Variants in MTUS2 observed in about 807,000 individuals in gnomAD.
The protein encoded by MTUS2 is microtubule-associated tumor suppressor candidate 2.
MTUS2 carries 40 observed loss-of-function variants against 114.1 expected under a neutral mutation model. The observed-to-expected ratio is 0.35, with a 90% CI of 0.27 to 0.46. MTUS2 has a LOEUF of 0.46. MTUS2 is among the 20% of genes least tolerant of loss of function. MTUS2 has a pLI of 1.00. For missense variants in MTUS2, 1,679 were observed against 1,705.4 expected (o/e 0.98, Z 0.27); for synonymous variants, 688 against 672.0 (o/e 1.02, Z -0.37).
chr13:29,073,508 G>A (rs147368903), intron 4 of MTUS2, among the ~76,000 whole-genome samples: 1 of 138,768 alleles, frequency 7.2e-6, no homozygotes, highest in Non-Finnish European at 1.6e-5. Flanking sequence ...GTGTACACAT[G>A]TGTAATGAGG....
chr13:29,052,220 G>T (rs1412377294), intron 4 of MTUS2, among the ~76,000 whole-genome samples: 1 of 152,110 alleles, frequency 6.6e-6, no homozygotes, highest in African/African-American at 2.4e-5. Context: ...AGTGGCTCAC[G>T]CCTGTAATCC....
intron 5 of MTUS2, among the ~76,000 whole-genome samples, chr13:29,232,306 GCA>G (rs1292889706): frequency 0.078 from 3,330 of 42,918 alleles, 126 homozygotes; most frequent in African/African-American, 0.27. Context: ...ACGCGCGCGC[GCA>G]CACACACACA....
At chr13:29,054,598 T>C (rs1349060396) in intron 4 of MTUS2, among the ~76,000 whole-genome samples, 1 of 152,106 alleles carries the variant, frequency 6.6e-6, no homozygotes, top group Non-Finnish European at 1.5e-5. Context: ...TTCACAACAG[T>C]TTAAGTATAC....
intron 4 of MTUS2, among the ~76,000 whole-genome samples, chr13:29,084,037 A>T (rs1889558897): frequency 6.6e-6 from 1 of 152,176 alleles, no homozygotes; most frequent in Admixed American, 6.5e-5. Context: ...CTTATAAATT[A>T]GATCTATATT....
chr13:28,971,350 T>C (rs546257807), intron 2 of MTUS2, among the ~76,000 whole-genome samples: 24 of 152,310 alleles, frequency 1.6e-4, no homozygotes, highest in Non-Finnish European at 3.2e-4. Flanking sequence ...ACAAATGGTA[T>C]GATTTTGATA....
chr13:29,185,340 AAAAG>A (rs552752983), intron 5 of MTUS2, among the ~76,000 whole-genome samples: 163 of 152,308 alleles, frequency 1.1e-3, no homozygotes, highest in African/African-American at 3.8e-3. Flanking sequence ...GGAAAGGAGA[AAAAG>A]AAAGGAACAG....
intron 8 of MTUS2, among the ~76,000 whole-genome samples, chr13:29,376,008 T>C (rs1370972833): frequency 1.0e-5 from 1 of 99,718 alleles, no homozygotes; most frequent in Non-Finnish European, 2.0e-5. Flanking sequence ...TATGTGTGTG[T>C]GTGTGTATGT....
chr13:29,332,029 T>A (rs148899937), intron 7 of MTUS2, among the ~76,000 whole-genome samples: 1 of 152,304 alleles, frequency 6.6e-6, no homozygotes, highest in African/African-American at 2.4e-5. Context: ...TCTTTTTTTG[T>A]TGTGTCTCTG....
At chr13:29,139,274 C>G (rs1045841718) in intron 5 of MTUS2, among the ~76,000 whole-genome samples, 1 of 152,130 alleles carries the variant, frequency 6.6e-6, no homozygotes, top group Non-Finnish European at 1.5e-5. Context: ...TGTATTTTTT[C>G]TTTCTTGGAT....
chr13:29,345,257 A>G (rs1265699213), intron 7 of MTUS2, among the ~76,000 whole-genome samples: 1 of 152,094 alleles, frequency 6.6e-6, no homozygotes, highest in African/African-American at 2.4e-5. Context: ...GTGTTTTCCA[A>G]ACTTCCAGAT....
At chr13:29,300,010 C>G (rs893009184) in intron 6 of MTUS2, among the ~76,000 whole-genome samples, 1 of 152,126 alleles carries the variant, frequency 6.6e-6, no homozygotes, top group African/African-American at 2.4e-5. Flanking sequence ...TCCTCTATTA[C>G]AAATTAAGTG....
intron 2 of MTUS2, among the ~76,000 whole-genome samples, chr13:28,992,092 T>A (rs1471372294): frequency 6.6e-6 from 1 of 152,144 alleles, no homozygotes; most frequent in East Asian, 1.9e-4. Flanking sequence ...TCTCTCAATC[T>A]CCCTTCTCTT....
chr13:29,371,541 A>G (rs1871193228), intron 8 of MTUS2, among the ~76,000 whole-genome samples: 1 of 152,182 alleles, frequency 6.6e-6, no homozygotes, highest in African/African-American at 2.4e-5. Context: ...CTTTTGATGA[A>G]GGTATTTTGA....
rs1309672401 is a variant in MTUS2, at chr13:29,389,863, A to G, written c.3117+30390A>G. On this transcript the variant is annotated intron_variant, in intron 8 of 15. Transcript: ENST00000612955. ...CATACATATGTGTATATATACATAC[A>G]TATGTGTATATATACATACATATGT... is the stretch of plus-strand genomic sequence containing the variant. 4.6e-5 allele frequency among the ~76,000 whole-genome samples: 2 copies of G among 43,368 alleles called. 1 individual carries two copies. The highest frequency in any genetic ancestry group is 1.1e-4 in the Non-Finnish European group (2 of 18,984). The allele number at this position is 43,368 out of a possible 152,430, so 28.5% of individuals were successfully genotyped here. A position where few individuals can be genotyped will look rare whatever the true frequency, so the allele number is the denominator to read the frequency against.
At position 29,487,888 on chromosome 13, in the gene MTUS2, ACT is replaced by A. The variant is rs769083579; in HGVS notation, c.3400-8_3400-7del. 1.2e-6 allele frequency: 2 copies of A among 1,603,870 alleles called. No individual in the cohort carries two copies. Among genetic ancestry groups the A allele is most frequent in the Admixed American group, 3.3e-5 (2 of 59,904 alleles). On this transcript the variant is annotated splice_polypyrimidine_tract_variant and intron_variant, in intron 10 of 15. Coordinates refer to ENST00000612955, the MANE Select transcript of MTUS2 (RefSeq NM_001033602.4). ...GCTCTCTGTCTAACCAGTAACTGCG[ACT>A]CTCCTCCAGGTGGAAGATCTCACCG...
intron 7 of MTUS2, among the ~76,000 whole-genome samples, chr13:29,327,405 C>T (rs1439312115): frequency 6.6e-6 from 1 of 152,142 alleles, no homozygotes; most frequent in South Asian, 2.1e-4. Flanking sequence ...TACCATTCTA[C>T]ACCCCCACCC....
chr13:29,197,689 G>T (rs866273571), intron 5 of MTUS2, among the ~76,000 whole-genome samples: 1 of 152,082 alleles, frequency 6.6e-6, no homozygotes, highest in Non-Finnish European at 1.5e-5. Flanking sequence ...GTGTAAAAGC[G>T]TTCCTACTTC....
chr13:29,228,506 G>C (rs569150232), intron 5 of MTUS2, among the ~76,000 whole-genome samples: 2 of 152,108 alleles, frequency 1.3e-5, no homozygotes, highest in African/African-American at 4.8e-5. Flanking sequence ...TTTAATTTTT[G>C]TTAGAGCCTC....
chr13:29,088,978 G>T (rs1244962533), intron 4 of MTUS2, among the ~76,000 whole-genome samples: 1 of 152,118 alleles, frequency 6.6e-6, no homozygotes, highest in African/African-American at 2.4e-5. Flanking sequence ...ATTGATATGT[G>T]GTTTGTTCCT....
Sources: allele counts gnomAD v4.1 joint callset (sites outside exome capture counted in the v4.1 genomes callset), GRCh38; gene constraint gnomAD v4.1.1; transcripts MANE v1.5; gene names NCBI Gene and HGNC (gene_info 2026-07-23, HGNC 2026-07-21).